Variants in RALYL observed in about 807,000 individuals in gnomAD.
RALYL encodes RALY RNA binding protein like.
Under a neutral mutation model 35.1 loss-of-function variants are expected in RALYL, and 29 were observed. The ratio of observed to expected loss-of-function variants is 0.83; its 90% CI spans 0.61 to 1.13. RALYL has a LOEUF of 1.13. RALYL is among the 50% of genes most tolerant of loss of function. The pLI is 0.00. For synonymous variants in RALYL, 120 were observed against 127.6 expected (o/e 0.94, Z 0.40); for missense variants, 359 against 360.4 (o/e 1.00, Z 0.03).
chr8:84,343,371 A>G (rs1251437965), intron 1 of RALYL, among the ~76,000 whole-genome samples: 1 of 152,100 alleles, frequency 6.6e-6, no homozygotes, highest in African/African-American at 2.4e-5. Context: ...TAGAATACAT[A>G]CATTTATCAA....
rs540297011 is a variant in RALYL, at chr8:84,207,261, TA to T, written c.-24+22839del. Among the ~76,000 whole-genome samples the T allele has an allele frequency of 2.8e-3, 420 of 152,120 alleles. 2 individuals are homozygous for T. Among genetic ancestry groups the T allele is most frequent in the Non-Finnish European group, 4.9e-3 (336 of 67,998 alleles). On this transcript the variant is annotated intron_variant, in intron 1 of 8. Coordinates refer to ENST00000521268, the MANE Select transcript of RALYL (RefSeq NM_173848.7). ...CAATAGCCAAAATATGGAAACAACC[TA>T]AGTGTCCATCAATGGATGAATAAAG...
Position 84,832,804 on chromosome 8 carries a change from T to C in RALYL, c.366-17176T>C, listed in dbSNP as rs4320545. Among the ~76,000 whole-genome samples the C allele has an allele frequency of 2.0e-3, 308 of 152,324 alleles. 3 individuals are homozygous for C. Among genetic ancestry groups the C allele is most frequent in the African/African-American group, 7.1e-3 (294 of 41,584 alleles). ...ATAGTTTTCAGACTCTTGTGGCATA[T>C]GTATCTGTGTGTTATATTACAACAT... On this transcript the variant is annotated intron_variant, in intron 4 of 8. Coordinates refer to ENST00000521268, the MANE Select transcript of RALYL (RefSeq NM_173848.7).
intron 1 of RALYL, among the ~76,000 whole-genome samples, chr8:84,467,103 T>A (rs2051801351): frequency 6.6e-6 from 1 of 152,074 alleles, no homozygotes; most frequent in African/African-American, 2.4e-5. Flanking sequence ...GCTCCTGGAT[T>A]CATTAATTTT....
intron 1 of RALYL, among the ~76,000 whole-genome samples, chr8:84,416,277 T>C (rs986365106): frequency 6.6e-6 from 1 of 152,222 alleles, no homozygotes; most frequent in Admixed American, 6.5e-5. Context: ...TAATAGCTAC[T>C]GGTCAAGACA....
At chr8:84,865,593 C>G (rs1251589239) in intron 6 of RALYL, among the ~76,000 whole-genome samples, 1 of 152,044 alleles carries the variant, frequency 6.6e-6, no homozygotes, top group African/African-American at 2.4e-5. Flanking sequence ...TTGTCCTTTC[C>G]TGACATCATA....
chr8:84,790,410 A>T (rs901662560), intron 3 of RALYL, among the ~76,000 whole-genome samples: 1 of 152,208 alleles, frequency 6.6e-6, no homozygotes, highest in Non-Finnish European at 1.5e-5. Flanking sequence ...AGATCATGGG[A>T]TCTGAAGCCT....
chr8:84,554,050 A>G (rs1159129098), intron 2 of RALYL, among the ~76,000 whole-genome samples: 1 of 152,184 alleles, frequency 6.6e-6, no homozygotes, highest in Non-Finnish European at 1.5e-5. Context: ...TTATTTTCTT[A>G]TATTTCTTTA....
intron 1 of RALYL, among the ~76,000 whole-genome samples, chr8:84,258,554 C>G (rs1831623886): frequency 6.6e-6 from 1 of 151,202 alleles, no homozygotes. Context: ...TTGATTGTAT[C>G]AAAAAAAGGC....
At chr8:84,812,805 G>A (rs1212405308) in intron 4 of RALYL, among the ~76,000 whole-genome samples, 7 of 152,182 alleles carry the variant, frequency 4.6e-5, no homozygotes, top group Non-Finnish European at 1.0e-4. Context: ...GGCAGTGGGT[G>A]AGCCAGGCTT....
intron 2 of RALYL, among the ~76,000 whole-genome samples, chr8:84,562,728 A>G (rs1298456252): frequency 1.3e-5 from 2 of 151,894 alleles, no homozygotes; most frequent in Admixed American, 1.3e-4. Context: ...GTCTCACTTG[A>G]CAGACACTGG....
At chr8:84,637,862 C>T (rs937599443) in intron 2 of RALYL, among the ~76,000 whole-genome samples, 14 of 151,826 alleles carry the variant, frequency 9.2e-5, no homozygotes, top group African/African-American at 2.4e-4. Flanking sequence ...TACAGGCATA[C>T]GGTTAAATAA....
intron 7 of RALYL, among the ~76,000 whole-genome samples, chr8:84,885,471 T>A (rs543869206): frequency 6.6e-6 from 1 of 152,278 alleles, no homozygotes; most frequent in Non-Finnish European, 1.5e-5. Context: ...ATTTATGTAC[T>A]ATACTTCCTT....
At chr8:84,463,538 A>G (rs2051081924) in intron 1 of RALYL, among the ~76,000 whole-genome samples, 1 of 152,062 alleles carries the variant, frequency 6.6e-6, no homozygotes, top group Non-Finnish European at 1.5e-5. Context: ...GCAATGTACT[A>G]TAATAGAAAA....
chr8:84,230,247 A>C (rs1824996177), intron 1 of RALYL, among the ~76,000 whole-genome samples: 2 of 152,086 alleles, frequency 1.3e-5, no homozygotes, highest in Non-Finnish European at 1.5e-5. Context: ...ATAATTAAGG[A>C]AATGTGTATT....
intron 2 of RALYL, among the ~76,000 whole-genome samples, chr8:84,737,870 C>A (rs569220421): frequency 2.0e-5 from 3 of 152,088 alleles, no homozygotes; most frequent in South Asian, 4.1e-4. Flanking sequence ...TCTTACCAGA[C>A]ACAGAATCAT....
At chr8:84,292,555 C>A (rs1838967235) in intron 1 of RALYL, among the ~76,000 whole-genome samples, 2 of 152,144 alleles carry the variant, frequency 1.3e-5, no homozygotes, top group African/African-American at 2.4e-5. Context: ...GAGGTCAACA[C>A]AAAATACAGG....
intron 1 of RALYL, among the ~76,000 whole-genome samples, chr8:84,252,480 C>A (rs962984798): frequency 6.6e-5 from 10 of 152,094 alleles, no homozygotes; most frequent in Admixed American, 6.6e-4. Context: ...AATGTAAGAT[C>A]ATAGGTAAAG....
intron 1 of RALYL, among the ~76,000 whole-genome samples, chr8:84,453,211 T>C (rs2049714564): frequency 6.6e-6 from 1 of 151,770 alleles, no homozygotes; most frequent in Non-Finnish European, 1.5e-5. Flanking sequence ...TATAAACATA[T>C]ACATATATAC....
At chr8:84,489,447 C>A (rs575077882) in intron 1 of RALYL, among the ~76,000 whole-genome samples, 1 of 152,080 alleles carries the variant, frequency 6.6e-6, no homozygotes, top group South Asian at 2.1e-4. Flanking sequence ...ATTTTCCTGC[C>A]AGATGTTCAT....
Sources: gnomAD v4.1 joint callset for allele counts (sites outside exome capture counted in the v4.1 genomes callset) on GRCh38, gnomAD v4.1.1 for gene constraint, MANE v1.5 for transcripts, NCBI Gene and HGNC (gene_info 2026-07-23, HGNC 2026-07-21) for gene names.